The following PCDH15 variants were observed in gnomAD, a reference collection of about 807,000 sequenced individuals.
PCDH15 encodes protocadherin related 15.
In PCDH15, 129 loss-of-function variants were observed where a neutral mutation model predicts 178.5. The ratio of observed to expected loss-of-function variants is 0.72; its 90% CI spans 0.63 to 0.84. PCDH15 has a LOEUF of 0.84. PCDH15 is among the 40% of genes least tolerant of loss of function. PCDH15 has a pLI of 0.00. For synonymous variants in PCDH15, 800 were observed against 732.0 expected (o/e 1.09, Z -1.50); for missense variants, 2,230 against 2,099.9 (o/e 1.06, Z -1.21).
intron 16 of PCDH15, among the ~76,000 whole-genome samples, chr10:54,086,815 G>T (rs1355973723): frequency 6.6e-6 from 1 of 152,140 alleles, no homozygotes; most frequent in African/African-American, 2.4e-5. Context: ...TGTCTGTCCA[G>T]GTTGACCTAA....
intron 3 of PCDH15, among the ~76,000 whole-genome samples, chr10:54,419,685 A>G (rs1954971995): frequency 6.6e-6 from 1 of 152,086 alleles, no homozygotes; most frequent in South Asian, 2.1e-4. Context: ...CTCTTCAACA[A>G]TGTGCAGTTA....
chr10:54,454,961 T>G (rs1276450993), intron 3 of PCDH15, among the ~76,000 whole-genome samples: 1 of 152,130 alleles, frequency 6.6e-6, no homozygotes, highest in Non-Finnish European at 1.5e-5. Context: ...GCGAGGTAAT[T>G]TAATCATGGG....
At chr10:55,385,980 G>C (rs1204366059) in intron 2 of PCDH15, among the ~76,000 whole-genome samples, 1 of 151,590 alleles carries the variant, frequency 6.6e-6, no homozygotes, top group East Asian at 1.9e-4. Flanking sequence ...GTGAAAAGCA[G>C]TGTAAAGTGG....
At chr10:55,495,001 T>C (rs1840500263) in intron 2 of PCDH15, among the ~76,000 whole-genome samples, 1 of 151,660 alleles carries the variant, frequency 6.6e-6, no homozygotes, top group Non-Finnish European at 1.5e-5. Context: ...TTGACAAGGG[T>C]GTCAAAAATA....
chr10:55,136,280 T>C (rs1307389115), intron 2 of PCDH15, among the ~76,000 whole-genome samples: 2 of 152,170 alleles, frequency 1.3e-5, no homozygotes, highest in Non-Finnish European at 1.5e-5. Context: ...TGGCAAATGT[T>C]TTGTTTTCTG....
intron 2 of PCDH15, among the ~76,000 whole-genome samples, chr10:55,412,036 G>A (rs984119845): frequency 6.6e-6 from 1 of 151,966 alleles, no homozygotes; most frequent in African/African-American, 2.4e-5. Flanking sequence ...GAGACTGGAG[G>A]GGCTGGAAAT....
chr10:54,073,982 G>T (rs1358548873), intron 17 of PCDH15, among the ~76,000 whole-genome samples: 1 of 152,138 alleles, frequency 6.6e-6, no homozygotes, highest in South Asian at 2.1e-4. Flanking sequence ...AAAAACTTTG[G>T]TGCTTTGTTA....
At chr10:54,754,318 A>G (rs1456797024) in intron 1 of PCDH15, among the ~76,000 whole-genome samples, 3 of 152,158 alleles carry the variant, frequency 2.0e-5, no homozygotes, top group African/African-American at 7.2e-5. Flanking sequence ...CCAAGGATGA[A>G]TTGGTGCTAT....
rs1345969752 is a variant in PCDH15, at chr10:54,369,273, T to G, written c.321A>C (p.Pro107=). 6.2e-7 allele frequency: 1 copy of G among 1,612,430 alleles called. No individual in the cohort carries two copies. Residue 107 remains proline, a splice_region_variant and synonymous_variant, in exon 5 of 38, where the codon CCA becomes CCC. Transcript: ENST00000644397. ...CCACAATGGAGTGTATGTTCATCGG[T>G]GGCTGCAATGTAGAAATTGCATCTT... ...NSTGRVLDRD[P]PMNIHSIVVQ...
chr10:55,341,361 T>C (rs1240562945), intron 2 of PCDH15, among the ~76,000 whole-genome samples: 2 of 152,078 alleles, frequency 1.3e-5, no homozygotes, highest in African/African-American at 4.8e-5. Context: ...GTAACTATCA[T>C]ACTCAATGAC....
chr10:55,338,437 A>G (rs1306408920), intron 2 of PCDH15, among the ~76,000 whole-genome samples: 1 of 152,182 alleles, frequency 6.6e-6, no homozygotes, highest in Non-Finnish European at 1.5e-5. Flanking sequence ...AGCAGGTAGT[A>G]CACATACACA....
At chr10:55,415,950 T>C (rs532573022) in intron 2 of PCDH15, among the ~76,000 whole-genome samples, 1 of 151,682 alleles carries the variant, frequency 6.6e-6, no homozygotes, top group East Asian at 1.9e-4. Flanking sequence ...AATTTGCTTT[T>C]GTCGATAGCA....
chr10:55,581,279 A>G (rs1277632158), intron 2 of PCDH15, among the ~76,000 whole-genome samples: 1 of 152,124 alleles, frequency 6.6e-6, no homozygotes, highest in Non-Finnish European at 1.5e-5. Context: ...GAACTAAGTA[A>G]TAGCAAAAAT....
At chr10:54,887,090 G>C (rs1954372639) in intron 3 of PCDH15, among the ~76,000 whole-genome samples, 1 of 152,170 alleles carries the variant, frequency 6.6e-6, no homozygotes, top group East Asian at 1.9e-4. Flanking sequence ...AGCACTACCT[G>C]TTTTTGATTG....
intron 8 of PCDH15, among the ~76,000 whole-genome samples, chr10:54,316,608 T>C (rs1322197315): frequency 6.6e-6 from 1 of 151,898 alleles, no homozygotes; most frequent in East Asian, 1.9e-4. Context: ...ATTGATATTT[T>C]TGCCTCAGCA....
chr10:55,260,606 A>C (rs1261294944), intron 1 of PCDH15, among the ~76,000 whole-genome samples: 1 of 152,184 alleles, frequency 6.6e-6, no homozygotes. Context: ...AAAGAAGATT[A>C]GTTTTACTGG....
At chr10:54,730,981 G>T (rs1943252393) in intron 1 of PCDH15, among the ~76,000 whole-genome samples, 3 of 151,436 alleles carry the variant, frequency 2.0e-5, no homozygotes, top group South Asian at 4.1e-4. Context: ...GACAGCCAGA[G>T]AATGGAAGAA....
At position 54,642,772 on chromosome 10, in the gene PCDH15, G is replaced by A. The variant is rs530509440; in HGVS notation, c.91+21400C>T. 2.0e-5 allele frequency among the ~76,000 whole-genome samples: 3 copies of A among 151,972 alleles called. No homozygotes were observed. The South Asian group carries it at 6.2e-4, about 32-fold the overall frequency. On this transcript the variant is annotated intron_variant, in intron 2 of 37. Transcript: ENST00000644397. ...AAAATTTATTGAATATAAATAAAAG[G>A]ACAAAAGTTTTACATTTGGTAATAA...
chr10:54,859,678 T>C (rs1953806604), intron 3 of PCDH15, among the ~76,000 whole-genome samples: 1 of 150,876 alleles, frequency 6.6e-6, no homozygotes, highest in Non-Finnish European at 1.5e-5. Context: ...TAAGTGTATC[T>C]GTTTTACAAA....
Sources: gnomAD v4.1 joint callset for allele counts (sites outside exome capture counted in the v4.1 genomes callset) on GRCh38, gnomAD v4.1.1 for gene constraint, MANE v1.5 for transcripts, NCBI Gene and HGNC (gene_info 2026-07-23, HGNC 2026-07-21) for gene names.